PRRC2B: variants seen among roughly 807,000 people sequenced by gnomAD.
PRRC2B encodes proline rich coiled-coil 2B, also known as protein PRRC2B.
Under a neutral mutation model 242.3 loss-of-function variants are expected in PRRC2B, and 68 were observed. That is an observed-to-expected ratio of 0.28 (90% CI 0.23 to 0.34). The LOEUF (loss-of-function observed/expected upper bound fraction) is 0.34, where lower values mean the gene tolerates loss of function less well. PRRC2B is among the 10% of genes least tolerant of loss of function. PRRC2B has a pLI of 1.00. For synonymous variants in PRRC2B, 1,228 were observed against 1,173.6 expected (o/e 1.05, Z -0.95); for missense variants, 2,835 against 2,954.8 (o/e 0.96, Z 0.94).
chr9:131,404,722 C>T (rs1430024292), intron 1 of PRRC2B, among the ~76,000 whole-genome samples: 3 of 152,244 alleles, frequency 2.0e-5, no homozygotes, highest in African/African-American at 7.2e-5. Context: ...AGCGTGCTCC[C>T]TGACAGCTAC....
intron 5 of PRRC2B, among the ~76,000 whole-genome samples, chr9:131,439,487 C>G (rs920881838): frequency 6.6e-6 from 1 of 152,200 alleles, no homozygotes. Flanking sequence ...CTTTATTACC[C>G]TTTGCCACCA....
At chr9:131,389,526 T>A (rs1836871435), upstream of PRRC2B, among the ~76,000 whole-genome samples, 1 of 150,652 alleles carries the variant, frequency 6.6e-6, no homozygotes, top group Non-Finnish European at 1.5e-5. Context: ...AAACACCAGG[T>A]ATGTTTTCTT....
intron 15 of PRRC2B, 27 bp from the exon 16 acceptor site, chr9:131,474,427 T>A (rs1452406638): frequency 1.3e-6 from 2 of 1,580,866 alleles, no homozygotes; most frequent in Non-Finnish European, 1.7e-6. Flanking sequence ...CCAATCGCAT[T>A]GACTGATTTT....
intron 16 of PRRC2B, 104 bp downstream of exon 16, chr9:131,476,639 G>C (rs1588274836): frequency 9.3e-7 from 1 of 1,074,126 alleles, no homozygotes; most frequent in Non-Finnish European, 1.3e-6. Flanking sequence ...GGGGCTGGGG[G>C]CCTGCCCCCA....
rs1943601735 is a variant in PRRC2B, at chr9:131,473,575, C to T, written c.2175C>T (p.Asn725=). The change falls in exon 15 of 32, where the codon AAC becomes AAT. Residue 725 remains asparagine, a synonymous_variant. Coordinates refer to ENST00000683519, the MANE Select transcript of PRRC2B (RefSeq NM_013318.4). The part of the protein sequence containing the change: ...NGTGCRSEDQ[N]CVPPLQERKV... Reference sequence around the variant, plus strand: ...CAGGCTGTCGCTCTGAGGATCAGAACTGTGTGCCCCCACTCCAAGAAAGAA... The same window carrying T: ...CAGGCTGTCGCTCTGAGGATCAGAATTGTGTGCCCCCACTCCAAGAAAGAA... The T allele has an allele frequency of 6.2e-7, 1 of 1,611,288 alleles. No homozygotes were observed. Among genetic ancestry groups the T allele is most frequent in the East Asian group, 2.2e-5 (1 of 44,720 alleles).
chr9:131,485,567 A>G (rs1404011038), intron 25 of PRRC2B: 4 of 524,038 alleles, frequency 7.6e-6, no homozygotes, highest in Non-Finnish European at 1.5e-5. Context: ...CAGAGCCCTC[A>G]GTCACTGGCA....
intron 12 of PRRC2B, among the ~76,000 whole-genome samples, chr9:131,465,546 C>CATCT (rs1273846387): frequency 1.3e-5 from 2 of 152,218 alleles, no homozygotes; most frequent in Non-Finnish European, 2.9e-5. Context: ...TGAAACCATG[C>CATCT]ATCTACTCAC....
intron 1 of PRRC2B, among the ~76,000 whole-genome samples, chr9:131,416,328 C>G (rs1291142209): frequency 1.3e-5 from 2 of 152,064 alleles, no homozygotes; most frequent in Admixed American, 6.5e-5. Context: ...AGGCTGGTCT[C>G]GAACCCCTGA....
chr9:131,476,230 C>T lies in PRRC2B; in HGVS notation c.4101C>T (p.Ser1367=), dbSNP rs764500477. ...CTGAGCTCTCCTACCAGAACTCCTCCGATCACGCCAATGAGGAGTGGGAGA... is the reference window on the plus strand; with the variant it reads ...CTGAGCTCTCCTACCAGAACTCCTCTGATCACGCCAATGAGGAGTGGGAGA... ...RSPELSYQNS[S]DHANEEWETA... is the part of the protein sequence containing the mutation. The change falls in exon 16 of 32, where the codon TCC becomes TCT. Residue 1367 remains serine (S), a synonymous_variant. Transcript: ENST00000683519. 121 of 1,613,052 alleles carry T rather than the reference C, an allele frequency of 7.5e-5. No individual in the cohort carries two copies. The highest frequency in any genetic ancestry group is 1.3e-4 in the East Asian group (6 of 44,830).
At chr9:131,385,573 T>A (rs956583469) in intron 1 of PRRC2B, among the ~76,000 whole-genome samples, 2 of 150,686 alleles carry the variant, frequency 1.3e-5, no homozygotes, top group Non-Finnish European at 3.0e-5. Flanking sequence ...GTAAGTCACT[T>A]AACTTCTGAC....
chr9:131,461,070 TC>T lies in PRRC2B; in HGVS notation c.1404+1716del, dbSNP rs576132292. On this transcript the variant is annotated intron_variant, in intron 11 of 31. Coordinates refer to ENST00000683519, the MANE Select transcript of PRRC2B (RefSeq NM_013318.4). ...CCAGTTCCACAGACTTTGTTCCACT[TC>T]CTCCCAGTGCATGTTTGCACCTCCT... 3.3e-3 allele frequency among the ~76,000 whole-genome samples: 499 copies of T among 152,334 alleles called. 3 individuals are homozygous for T. Among genetic ancestry groups the T allele is most frequent in the Non-Finnish European group, 4.2e-3 (286 of 68,042 alleles).
chr9:131,490,587 C>T (rs1283514364), intron 28 of PRRC2B: 1 of 518,916 alleles, frequency 1.9e-6, no homozygotes, highest in South Asian at 1.4e-5. Flanking sequence ...AGTGGCCCAG[C>T]CCCCCTACCC....
At chr9:131,465,497 C>A (rs528003120) in intron 12 of PRRC2B, among the ~76,000 whole-genome samples, 2 of 152,138 alleles carry the variant, frequency 1.3e-5, no homozygotes, top group Non-Finnish European at 2.9e-5. Context: ...CCTGCCAGCA[C>A]GCGGAGGGGT....
intron 1 of PRRC2B, among the ~76,000 whole-genome samples, chr9:131,428,864 A>G (rs1484809504): frequency 6.6e-6 from 1 of 152,200 alleles, no homozygotes; most frequent in African/African-American, 2.4e-5. Flanking sequence ...CTTAGAACCT[A>G]TTGCCAAGGT....
chr9:131,477,937 C>G lies in PRRC2B; in HGVS notation c.4600C>G (p.Leu1534Val). The change falls in exon 17 of 32, where the codon CTG becomes GTG. Residue 1534 changes from leucine (L) to valine (V), a missense_variant. Physicochemically the swap from Leu to Val is conservative, Grantham distance 32. This residue lies in a region of PRRC2B where 1,536 missense variants were observed against 1,483.1 expected (regional missense o/e 1.04). Transcript: ENST00000683519. ...EQGEAMKQFD[L>V]NYGSAIIENC... ...GGGAGAGGCCATGAAACAGTTTGAC[C>G]TGAACTATGGAAGTAAGTCATCCTC... 6.2e-7 allele frequency: 1 copy of G among 1,613,844 alleles called. No individual in the cohort carries two copies. The highest frequency in any genetic ancestry group is 8.5e-7 in the Non-Finnish European group (1 of 1,179,770).
Position 131,482,521 on chromosome 9 carries a change from G to A in PRRC2B, c.5134G>A (p.Asp1712Asn), listed in dbSNP as rs536019725. 1,319 of 1,607,264 alleles carry A rather than the reference G, an allele frequency of 8.2e-4. 3 individuals are homozygous for A. The highest frequency in any genetic ancestry group is 7.7e-4 in the Non-Finnish European group (906 of 1,176,196). Reference sequence around the variant, plus strand: ...GCCCGGCCTGGCGGAACCCAAGGCCGACAGCCACAAGGAGCAGGCTCCAAA... The same window carrying A: ...GCCCGGCCTGGCGGAACCCAAGGCCAACAGCCACAAGGAGCAGGCTCCAAA... Reference protein sequence around the residue: ...SGPGLAEPKADSHKEQAPKPS... With the variant: ...SGPGLAEPKANSHKEQAPKPS... Residue 1712 changes from aspartate to asparagine, a missense_variant, in exon 21 of 32, where the codon GAC becomes AAC. Coordinates refer to ENST00000683519, the MANE Select transcript of PRRC2B (RefSeq NM_013318.4). The surrounding 1 kb of genome is among the most constrained non-coding windows in gnomAD (Gnocchi z 5.2).
intron 18 of PRRC2B, among the ~76,000 whole-genome samples, chr9:131,478,939 C>T (rs912727512): frequency 1.0e-3 from 156 of 152,272 alleles, no homozygotes; most frequent in African/African-American, 3.6e-3. Context: ...GCTTCTCCTT[C>T]CTCCCCACTC....
At chr9:131,485,418 G>A (rs1943991232) in intron 25 of PRRC2B, among the ~76,000 whole-genome samples, 1 of 152,218 alleles carries the variant, frequency 6.6e-6, no homozygotes, top group Non-Finnish European at 1.5e-5. Context: ...TCAGACCTGG[G>A]TCATGTGCTG....
chr9:131,471,525 A>T (rs1943545462), intron 14 of PRRC2B, among the ~76,000 whole-genome samples: 1 of 152,258 alleles, frequency 6.6e-6, no homozygotes, highest in Admixed American at 6.5e-5. Flanking sequence ...TGTGTGATAC[A>T]GACCAGGGGT....
Sources: gnomAD v4.1 joint callset for allele counts (sites outside exome capture counted in the v4.1 genomes callset) on GRCh38, gnomAD v4.1.1 for gene constraint, gnomAD v4.1.1 regional missense constraint, Gnocchi (gnomAD v3.1) non-coding constraint, MANE v1.5 for transcripts, NCBI Gene and HGNC (gene_info 2026-07-23, HGNC 2026-07-21) for gene names.